The following KCNC2 variants were observed in gnomAD, a reference collection of about 807,000 sequenced individuals.
KCNC2 encodes the protein voltage-gated potassium channel KCNC2.
A neutral mutation model predicts 44.5 loss-of-function variants in KCNC2; 21 were observed. The ratio of observed to expected loss-of-function variants is 0.47; its 90% confidence interval spans 0.33 to 0.68. The LOEUF (loss-of-function observed/expected upper bound fraction) is 0.68, where lower values mean the gene tolerates loss of function less well. Ranked by LOEUF, KCNC2 falls within the 30% of genes least tolerant of loss-of-function variation. The pLI, the probability that KCNC2 is intolerant of heterozygous loss-of-function variation, is 0.01. For synonymous variants in KCNC2, 391 were observed against 339.1 expected (o/e 1.15, Z -1.68); for missense variants, 589 against 826.2 (o/e 0.71, Z 3.52).
chr12:75,202,776 A>G (rs1417757287), intron 2 of KCNC2, among the ~76,000 whole-genome samples: 5 of 146,360 alleles, frequency 3.4e-5, no homozygotes, highest in African/African-American at 1.3e-4. Context: ...TGCATGTGTC[A>G]GGCAATATTC....
chr12:75,054,366 A>G (rs1008012053), intron 2 of KCNC2, among the ~76,000 whole-genome samples: 18 of 152,158 alleles, frequency 1.2e-4, no homozygotes, highest in African/African-American at 4.3e-4. Flanking sequence ...TGACAATAAC[A>G]TAATAGAAAT....
At chr12:75,142,256 CAAACA>C (rs1889709074) in intron 2 of KCNC2, among the ~76,000 whole-genome samples, 2 of 152,110 alleles carry the variant, frequency 1.3e-5, no homozygotes, top group South Asian at 4.1e-4. Flanking sequence ...CGATTAAAAA[CAAACA>C]AAACAAAGAG....
chr12:75,162,084 C>T (rs1891157798), intron 2 of KCNC2, among the ~76,000 whole-genome samples: 1 of 151,636 alleles, frequency 6.6e-6, no homozygotes, highest in Non-Finnish European at 1.5e-5. Flanking sequence ...AACAAAGACA[C>T]TGTAGTCACA....
chr12:75,183,961 A>G (rs1892767019), intron 2 of KCNC2, among the ~76,000 whole-genome samples: 1 of 152,126 alleles, frequency 6.6e-6, no homozygotes, highest in Non-Finnish European at 1.5e-5. Context: ...CCCAAGGAGT[A>G]TCATACCACT....
intron 2 of KCNC2, among the ~76,000 whole-genome samples, chr12:75,068,269 T>G (rs1883034724): frequency 6.6e-6 from 1 of 152,210 alleles, no homozygotes; most frequent in Non-Finnish European, 1.5e-5. Context: ...AGGGCTATTT[T>G]AAGTGGGGCA....
chr12:75,075,476 T>TATATATATACAC (rs1883862090), intron 2 of KCNC2, among the ~76,000 whole-genome samples: 1 of 147,696 alleles, frequency 6.8e-6, no homozygotes, highest in Non-Finnish European at 1.5e-5. Flanking sequence ...TATATATATA[T>TATATATATACAC]ATATATACAC....
At chr12:75,043,449 A>G in intron 4 of KCNC2, 1 of 1,335,652 alleles carries the variant, frequency 7.5e-7, no homozygotes, top group African/African-American at 1.5e-5. Context: ...GCCATCACAA[A>G]TTATTGTTAC....
intron 2 of KCNC2, among the ~76,000 whole-genome samples, chr12:75,193,704 C>A (rs1468345286): frequency 6.6e-6 from 1 of 152,080 alleles, no homozygotes; most frequent in Non-Finnish European, 1.5e-5. Context: ...AAAGTTCTAT[C>A]TCCAAATAAA....
At chr12:75,101,070 C>G (rs968552038) in intron 2 of KCNC2, among the ~76,000 whole-genome samples, 1 of 152,108 alleles carries the variant, frequency 6.6e-6, no homozygotes, top group Admixed American at 6.6e-5. Flanking sequence ...TGCAGACTCA[C>G]TTGCCATTTT....
chr12:75,129,896 A>G (rs1430211004), intron 2 of KCNC2, among the ~76,000 whole-genome samples: 1 of 152,238 alleles, frequency 6.6e-6, no homozygotes, highest in Non-Finnish European at 1.5e-5. Flanking sequence ...ATAAGTATCT[A>G]AAGAAACATG....
intron 2 of KCNC2, among the ~76,000 whole-genome samples, chr12:75,172,521 C>T (rs1402578152): frequency 6.6e-6 from 1 of 151,850 alleles, no homozygotes; most frequent in Admixed American, 6.6e-5. Flanking sequence ...CCACCTTTGC[C>T]CTGTACTTTC....
At chr12:75,168,155 G>T (rs537341146) in intron 2 of KCNC2, among the ~76,000 whole-genome samples, 3 of 151,140 alleles carry the variant, frequency 2.0e-5, no homozygotes, top group Non-Finnish European at 4.4e-5. Context: ...GAGAAAAACC[G>T]AAATACATTA....
At chr12:75,103,289 AC>A (rs995322704) in intron 2 of KCNC2, among the ~76,000 whole-genome samples, 42 of 152,250 alleles carry the variant, frequency 2.8e-4, no homozygotes, top group Admixed American at 2.5e-3. Context: ...TAGGGGGTTT[AC>A]CCCCCTATTT....
chr12:75,150,488 T>C (rs750749995), intron 2 of KCNC2, among the ~76,000 whole-genome samples: 1 of 151,840 alleles, frequency 6.6e-6, no homozygotes, highest in African/African-American at 2.4e-5. Flanking sequence ...TCATGAACAC[T>C]TTTGCTTAAA....
intron 2 of KCNC2, among the ~76,000 whole-genome samples, chr12:75,158,501 G>A (rs1890907387): frequency 6.6e-6 from 1 of 151,752 alleles, no homozygotes; most frequent in African/African-American, 2.4e-5. Context: ...CTTTACATTG[G>A]GTGTAATTTT....
chr12:75,138,848 GC>G (rs1269983236), intron 2 of KCNC2, among the ~76,000 whole-genome samples: 3 of 151,918 alleles, frequency 2.0e-5, no homozygotes, highest in Non-Finnish European at 2.9e-5. Context: ...GGGCGTGGTG[GC>G]GGACGCCTGT....
intron 2 of KCNC2, among the ~76,000 whole-genome samples, chr12:75,105,738 G>A (rs913204257): frequency 1.2e-4 from 18 of 152,228 alleles, no homozygotes; most frequent in African/African-American, 4.3e-4. Context: ...ATCATGAGAT[G>A]GGGAAGACTT....
At chr12:75,190,717 A>G (rs918346511) in intron 2 of KCNC2, among the ~76,000 whole-genome samples, 16 of 152,204 alleles carry the variant, frequency 1.1e-4, no homozygotes, top group African/African-American at 3.9e-4. Context: ...AAATTGGAAA[A>G]TATATAGCAT....
intron 2 of KCNC2, among the ~76,000 whole-genome samples, chr12:75,164,414 A>G (rs1891315408): frequency 6.6e-6 from 1 of 151,684 alleles, no homozygotes; most frequent in East Asian, 1.9e-4. Flanking sequence ...TTGTGTCCTC[A>G]GCTCCATACA....
Sources: allele counts gnomAD v4.1 joint callset (sites outside exome capture counted in the v4.1 genomes callset), GRCh38; gene constraint gnomAD v4.1.1; transcripts MANE v1.5; gene names NCBI Gene and HGNC (gene_info 2026-07-23, HGNC 2026-07-21).